Variants in MSRB3 observed in about 807,000 individuals in gnomAD.
MSRB3 encodes the protein methionine-R-sulfoxide reductase B3.
In MSRB3, 13 loss-of-function variants were observed where a neutral mutation model predicts 21.0. The ratio of observed to expected loss-of-function variants is 0.62; its 90% CI spans 0.40 to 0.98. The LOEUF is 0.98. MSRB3 is among the 50% of genes least tolerant of loss of function. MSRB3 has a pLI of 0.00. For missense variants in MSRB3, 199 were observed against 230.3 expected, an observed-to-expected ratio of 0.86 and a Z score of 0.88; for synonymous variants, 87 against 88.6, an observed-to-expected ratio of 0.98 and a Z score of 0.10.
At chr12:65,443,547 C>T (rs542721781) in intron 5 of MSRB3, among the ~76,000 whole-genome samples, 5 of 152,134 alleles carry the variant, frequency 3.3e-5, no homozygotes, top group South Asian at 2.1e-4. Context: ...TTTGTGTGTG[C>T]GTGCTTAAAC....
chr12:65,375,886 G>C (rs1396609573), intron 5 of MSRB3, among the ~76,000 whole-genome samples: 1 of 150,614 alleles, frequency 6.6e-6, no homozygotes, highest in African/African-American at 2.4e-5. Flanking sequence ...AAAGAATTTG[G>C]CCTTACTACT....
At chr12:65,393,330 G>A (rs548843904) in intron 5 of MSRB3, among the ~76,000 whole-genome samples, 1 of 151,944 alleles carries the variant, frequency 6.6e-6, no homozygotes, top group South Asian at 2.1e-4. Flanking sequence ...TTTATTATAA[G>A]GGAGACACTT....
chr12:65,442,090 A>C (rs1254231820), intron 5 of MSRB3, among the ~76,000 whole-genome samples: 1 of 152,086 alleles, frequency 6.6e-6, no homozygotes, highest in Non-Finnish European at 1.5e-5. Flanking sequence ...AAGGTGTTGT[A>C]GATCAGTGAA....
chr12:65,455,713 A>G (rs543596262), intron 6 of MSRB3, among the ~76,000 whole-genome samples: 1 of 152,194 alleles, frequency 6.6e-6, no homozygotes, highest in South Asian at 2.1e-4. Context: ...ATTTTCCAGC[A>G]GTTGGCTTAA....
intron 4 of MSRB3, 63 bp from the exon 5 acceptor site, chr12:65,368,935 C>A (rs1343172987): frequency 1.5e-5 from 6 of 398,098 alleles, no homozygotes; most frequent in East Asian, 7.5e-5. Flanking sequence ...CCCCCCCCCC[C>A]ATGAAATAAT....
At chr12:65,426,838 G>A (rs2136655608) in intron 5 of MSRB3, among the ~76,000 whole-genome samples, 1 of 151,644 alleles carries the variant, frequency 6.6e-6, no homozygotes, top group East Asian at 1.9e-4. Context: ...CTTCTCTATG[G>A]GTTTTAAATT....
intron 4 of MSRB3, among the ~76,000 whole-genome samples, chr12:65,329,736 T>C (rs1875289768): frequency 6.6e-6 from 1 of 152,160 alleles, no homozygotes; most frequent in Non-Finnish European, 1.5e-5. Context: ...CTGATACTTG[T>C]AGCTAAAACA....
At chr12:65,454,826 C>T (rs1883018936) in intron 6 of MSRB3, among the ~76,000 whole-genome samples, 1 of 152,138 alleles carries the variant, frequency 6.6e-6, no homozygotes, top group African/African-American at 2.4e-5. Flanking sequence ...CACCCACAAT[C>T]GAGAGACTTG....
intron 5 of MSRB3, among the ~76,000 whole-genome samples, chr12:65,412,370 G>A (rs1292629080): frequency 1.3e-5 from 2 of 152,074 alleles, no homozygotes; most frequent in South Asian, 2.1e-4. Flanking sequence ...TCCCCTTCAG[G>A]AGGTGTCCTG....
intron 2 of MSRB3, among the ~76,000 whole-genome samples, chr12:65,311,050 A>G (rs903007226): frequency 3.2e-4 from 48 of 152,210 alleles, no homozygotes; most frequent in Non-Finnish European, 5.7e-4. Context: ...TGTTTTTCCA[A>G]TACAACAGAC....
chr12:65,374,758 A>G (rs888456653), intron 5 of MSRB3, among the ~76,000 whole-genome samples: 2 of 152,170 alleles, frequency 1.3e-5, no homozygotes, highest in Non-Finnish European at 2.9e-5. Flanking sequence ...ATATTTGTGA[A>G]TACCGTTCTA....
At chr12:65,428,949 C>G (rs1450823392) in intron 5 of MSRB3, among the ~76,000 whole-genome samples, 1 of 152,096 alleles carries the variant, frequency 6.6e-6, no homozygotes, top group Non-Finnish European at 1.5e-5. Context: ...CCTTGTAAAA[C>G]AGCTCTCTTA....
intron 5 of MSRB3, among the ~76,000 whole-genome samples, chr12:65,375,387 A>G (rs1261128525): frequency 1.3e-5 from 2 of 152,178 alleles, no homozygotes; most frequent in African/African-American, 2.4e-5. Context: ...TTTAAAAGCT[A>G]TGAATTTCCT....
intron 5 of MSRB3, among the ~76,000 whole-genome samples, chr12:65,441,165 C>A (rs930902949): frequency 6.6e-6 from 1 of 151,904 alleles, no homozygotes; most frequent in Admixed American, 6.6e-5. Flanking sequence ...AATTTTAATG[C>A]ATTTTAAGCT....
At chr12:65,404,608 C>A (rs1880310097) in intron 5 of MSRB3, among the ~76,000 whole-genome samples, 1 of 152,162 alleles carries the variant, frequency 6.6e-6, no homozygotes, top group Non-Finnish European at 1.5e-5. Flanking sequence ...TGTCTTTTAA[C>A]ATTTCTTGCA....
chr12:65,410,369 G>T (rs1376817775), intron 5 of MSRB3, among the ~76,000 whole-genome samples: 1 of 152,084 alleles, frequency 6.6e-6, no homozygotes, highest in Admixed American at 6.6e-5. Context: ...TCAAACTCTA[G>T]CACAGGCCAG....
chr12:65,384,095 G>T (rs1879088559), intron 5 of MSRB3, among the ~76,000 whole-genome samples: 1 of 152,110 alleles, frequency 6.6e-6, no homozygotes, highest in Admixed American at 6.5e-5. Flanking sequence ...TCCCTATTTT[G>T]TAACCAGTTT....
intron 5 of MSRB3, among the ~76,000 whole-genome samples, chr12:65,375,374 G>C (rs79960181): frequency 0.018 from 2,730 of 152,194 alleles, 89 homozygotes; most frequent in African/African-American, 0.063. Flanking sequence ...TAGAACTGGA[G>C]CATTTAAAAG....
chr12:65,286,052 G>C (rs766274243), intron 1 of MSRB3: 5 of 152,098 alleles, frequency 3.3e-5, no homozygotes, highest in Non-Finnish European at 5.9e-5. Flanking sequence ...TGTTGACTGA[G>C]AAAATACGTA....
Sources: gnomAD v4.1 joint callset for allele counts (sites outside exome capture counted in the v4.1 genomes callset) on GRCh38, gnomAD v4.1.1 for gene constraint, MANE v1.5 for transcripts, NCBI Gene and HGNC (gene_info 2026-07-23, HGNC 2026-07-21) for gene names.